NUDT3: variants seen among roughly 807,000 people sequenced by gnomAD.
NUDT3 encodes nudix hydrolase 3, also known as diphosphoinositol polyphosphate phosphohydrolase 1.
NUDT3 carries 9 observed loss-of-function variants against 23.6 expected under a neutral mutation model. The ratio of observed to expected loss-of-function variants is 0.38; its 90% CI spans 0.23 to 0.66. The LOEUF (loss-of-function observed/expected upper bound fraction) is 0.66. Among genes scored for constraint, NUDT3 ranks in the 30% least tolerant of loss-of-function variants. The pLI, the probability that NUDT3 is intolerant of heterozygous loss-of-function variation, is 0.52. For synonymous variants in NUDT3, 86 were observed against 82.6 expected (o/e 1.04, Z -0.22); for missense variants, 172 against 218.5 (o/e 0.79, Z 1.34).
Position 34,351,394 on chromosome 6 carries a change from T to C in NUDT3, c.100-9422A>G, listed in dbSNP as rs777572952. ...AGATTGAGATTACAGTGAGCTATGA[T>C]TGTGCACTGCACTCCATCCTAGGCA... is the stretch of plus-strand genomic sequence containing the variant. On this transcript the variant is annotated intron_variant, in intron 1 of 4. Coordinates refer to ENST00000607016, the MANE Select transcript of NUDT3 (RefSeq NM_006703.4). 7.6e-5 allele frequency among the ~76,000 whole-genome samples: 11 copies of C among 144,472 alleles called. 2 individuals are homozygous for C. Among genetic ancestry groups the C allele is most frequent in the Non-Finnish European group, 1.2e-4 (8 of 66,218 alleles). The allele number at this position is 144,472 out of a possible 152,430, so 94.8% of individuals were successfully genotyped here. A position where few individuals can be genotyped will look rare whatever the true frequency, so the allele number is the denominator to read the frequency against.
chr6:34,351,211 A>AAAAAAAAAAAAAAAAAAAAAAC, intron 1 of NUDT3, among the ~76,000 whole-genome samples: 1 of 134,536 alleles, frequency 7.4e-6, no homozygotes, highest in Non-Finnish European at 1.6e-5. Context: ...AAAAAAAAAA[A>AAAAAAAAAAAAAAAAAAAAAAC]AAAAAAAAAA....
chr6:34,371,916 C>A (rs2113760331), intron 1 of NUDT3, among the ~76,000 whole-genome samples: 2 of 152,250 alleles, frequency 1.3e-5, no homozygotes, highest in Middle Eastern at 3.4e-3. Flanking sequence ...ACAACAGGCC[C>A]CGGTGTGTGA....
At chr6:34,319,313 C>G (rs1314954699) in intron 2 of NUDT3, among the ~76,000 whole-genome samples, 1 of 152,188 alleles carries the variant, frequency 6.6e-6, no homozygotes, top group Non-Finnish European at 1.5e-5. Flanking sequence ...TCCTTCCTAC[C>G]AGTCACAAGT....
chr6:34,347,314 C>A (rs458576), intron 1 of NUDT3, among the ~76,000 whole-genome samples: 51,192 of 152,152 alleles, frequency 0.34, 10,502 homozygotes, highest in African/African-American at 0.54. Flanking sequence ...AAGAGATTAA[C>A]TGCACTGCAG....
intron 1 of NUDT3, among the ~76,000 whole-genome samples, chr6:34,359,844 A>C (rs1361009853): frequency 2.6e-5 from 4 of 152,116 alleles, no homozygotes; most frequent in African/African-American, 9.7e-5. Flanking sequence ...GACCCACTAA[A>C]CTTCCACAGC....
intron 2 of NUDT3, among the ~76,000 whole-genome samples, chr6:34,313,581 G>C (rs536371172): frequency 1.3e-5 from 2 of 152,110 alleles, no homozygotes; most frequent in East Asian, 3.9e-4. Flanking sequence ...TTGATAATGG[G>C]GGCTATGCAC....
At chr6:34,304,117 G>A (rs968745792) in intron 2 of NUDT3, among the ~76,000 whole-genome samples, 2 of 152,004 alleles carry the variant, frequency 1.3e-5, no homozygotes, top group Non-Finnish European at 2.9e-5. Flanking sequence ...GCTGGGTGTC[G>A]TGGCGCATGC....
chr6:34,318,206 G>C (rs1313010815), intron 2 of NUDT3, among the ~76,000 whole-genome samples: 5 of 152,124 alleles, frequency 3.3e-5, no homozygotes. Flanking sequence ...TGGGGGAAAG[G>C]ATGGCTGTAT....
chr6:34,343,557 C>T (rs1764321011), intron 1 of NUDT3, among the ~76,000 whole-genome samples: 1 of 151,484 alleles, frequency 6.6e-6, no homozygotes, highest in Admixed American at 6.6e-5. Context: ...AAAAAAAATC[C>T]TCTCATTGGA....
intron 1 of NUDT3, among the ~76,000 whole-genome samples, chr6:34,351,211 A>AAAAAAAAC (rs1764465457): frequency 7.4e-6 from 1 of 134,536 alleles, no homozygotes; most frequent in Non-Finnish European, 1.6e-5. Flanking sequence ...AAAAAAAAAA[A>AAAAAAAAC]AAAAAAAAAA....
intron 1 of NUDT3, among the ~76,000 whole-genome samples, chr6:34,386,762 C>T (rs919965625): frequency 6.6e-6 from 1 of 152,110 alleles, no homozygotes; most frequent in Non-Finnish European, 1.5e-5. Context: ...CAGCACAATG[C>T]ATTACTCATG....
intron 1 of NUDT3, among the ~76,000 whole-genome samples, chr6:34,346,136 T>C (rs1764365358): frequency 6.6e-6 from 1 of 152,172 alleles, no homozygotes; most frequent in African/African-American, 2.4e-5. Flanking sequence ...TGACCAATCT[T>C]ACATTTTACA....
At chr6:34,351,218 A>C (rs191102451) in intron 1 of NUDT3, among the ~76,000 whole-genome samples, 6,278 of 137,118 alleles carry the variant, frequency 0.046, 1,081 homozygotes, top group Non-Finnish European at 0.066. Flanking sequence ...AAAAAAAAAA[A>C]AAAAAAAACA....
intron 2 of NUDT3, among the ~76,000 whole-genome samples, chr6:34,324,411 T>C (rs867839495): frequency 1.3e-5 from 2 of 152,010 alleles, no homozygotes; most frequent in African/African-American, 2.4e-5. Context: ...ATAATTGTTA[T>C]TGTTGCTGTT....
chr6:34,375,200 C>T (rs549513234), intron 1 of NUDT3, among the ~76,000 whole-genome samples: 34 of 152,206 alleles, frequency 2.2e-4, no homozygotes, highest in Middle Eastern at 6.8e-3. Context: ...AAAAATTAGC[C>T]AGGCATGACA....
chr6:34,302,088 G>C (rs989777704), intron 2 of NUDT3, among the ~76,000 whole-genome samples: 8 of 152,054 alleles, frequency 5.3e-5, no homozygotes, highest in East Asian at 1.9e-4. Context: ...CAGGAGTACA[G>C]TGGTGCAATC....
rs1363823467 is a variant in NUDT3 at position 34,288,904 on chromosome 6, T to C, written c.368A>G (p.Glu123Gly). 1.2e-6 allele frequency: 2 copies of C among 1,613,014 alleles called. No homozygotes were observed. Among genetic ancestry groups the C allele is most frequent in the African/African-American group, 2.7e-5 (2 of 74,944 alleles). The change falls in exon 5 of 5, where the codon GAA (glutamate) becomes GGA (glycine). Residue 123 changes from glutamate (E) to glycine (G), a missense_variant. Around this residue, in one of 3 missense-constraint regions of NUDT3, gnomAD observed 63 missense variants for 64.9 expected, o/e 0.97. Coordinates refer to ENST00000607016, the MANE Select transcript of NUDT3 (RefSeq NM_006703.4). ...IGRKREWFKI[E>G]DAIKVLQYHK... The stretch of plus-strand genomic sequence containing the variant: ...ATACTGCAGCACTTTTATGGCGTCT[T>C]CTATTTTAAACCATTCCCTCTTCCT...
At chr6:34,310,077 A>T (rs887943333) in intron 2 of NUDT3, among the ~76,000 whole-genome samples, 2 of 152,030 alleles carry the variant, frequency 1.3e-5, no homozygotes, top group African/African-American at 2.4e-5. Flanking sequence ...TGCAAAAAAT[A>T]AAAAAATGAG....
At chr6:34,293,376 G>A (rs564463551) in intron 4 of NUDT3, 75 bp downstream of exon 4, 3 of 1,572,222 alleles carry the variant, frequency 1.9e-6, no homozygotes, top group Middle Eastern at 1.9e-4. Flanking sequence ...CTTGTTTCTG[G>A]TTCTGGTCAT....
Sources: gnomAD v4.1 joint callset for allele counts (sites outside exome capture counted in the v4.1 genomes callset) on GRCh38, gnomAD v4.1.1 for gene constraint, gnomAD v4.1.1 regional missense constraint, MANE v1.5 for transcripts, NCBI Gene and HGNC (gene_info 2026-07-23, HGNC 2026-07-21) for gene names.